Variants in SH3BP5 observed in about 807,000 individuals in gnomAD.
SH3BP5 encodes the protein SH3 domain-binding protein 5.
In SH3BP5, 22 loss-of-function variants were observed where a neutral mutation model predicts 43.3. That is an observed-to-expected ratio of 0.51 (90% CI 0.36 to 0.73). The LOEUF is 0.73. SH3BP5 is among the 30% of genes least tolerant of loss of function. The pLI is 0.00. For missense variants in SH3BP5, 529 were observed against 586.9 expected (o/e 0.90, Z 1.02); for synonymous variants, 255 against 225.8 (o/e 1.13, Z -1.16).
chr3:15,308,415 A>T (rs1697968448), intron 2 of SH3BP5, among the ~76,000 whole-genome samples: 1 of 152,222 alleles, frequency 6.6e-6, no homozygotes, highest in Non-Finnish European at 1.5e-5. Context: ...ATGGTCACAG[A>T]GCTGGGAAAT....
At chr3:15,273,491 T>C (rs1575296322) in intron 3 of SH3BP5, 2 of 728,800 alleles carry the variant, frequency 2.7e-6, no homozygotes, top group Non-Finnish European at 3.4e-6. Flanking sequence ...CTGAAGTTTC[T>C]GCGAGATTCC....
intron 1 of SH3BP5, among the ~76,000 whole-genome samples, chr3:15,338,849 T>C (rs1698731847): frequency 6.6e-6 from 1 of 151,958 alleles, no homozygotes. Context: ...TGGCATGTAG[T>C]CTCAAATTAA....
At chr3:15,257,824 C>G (rs1276760090) in intron 7 of SH3BP5, among the ~76,000 whole-genome samples, 1 of 152,176 alleles carries the variant, frequency 6.6e-6, no homozygotes, top group Non-Finnish European at 1.5e-5. Context: ...TTAGAACTTT[C>G]CTACTCCATT....
chr3:15,310,424 G>A (rs1171259651), intron 2 of SH3BP5, among the ~76,000 whole-genome samples: 1 of 152,184 alleles, frequency 6.6e-6, no homozygotes, highest in African/African-American at 2.4e-5. Context: ...TAGACTTTCT[G>A]TCTTGTTTCT....
At chr3:15,334,259 A>G (rs921954315), upstream of SH3BP5, among the ~76,000 whole-genome samples, 3 of 152,186 alleles carry the variant, frequency 2.0e-5, no homozygotes, top group South Asian at 2.1e-4. Flanking sequence ...GGCCAGCTAT[A>G]GTGTTAATCC....
At chr3:15,308,365 A>C (rs1697967128) in intron 2 of SH3BP5, among the ~76,000 whole-genome samples, 1 of 152,202 alleles carries the variant, frequency 6.6e-6, no homozygotes, top group Non-Finnish European at 1.5e-5. Flanking sequence ...CATTTTATAA[A>C]GGAGGAAATA....
chr3:15,303,507 T>C (rs943056510), intron 3 of SH3BP5, among the ~76,000 whole-genome samples: 1 of 152,000 alleles, frequency 6.6e-6, no homozygotes, highest in African/African-American at 2.4e-5. Context: ...CCAGAACCCA[T>C]TTCCACGCAG....
intron 3 of SH3BP5, among the ~76,000 whole-genome samples, chr3:15,296,037 G>A (rs971738384): frequency 1.3e-5 from 2 of 152,172 alleles, no homozygotes; most frequent in African/African-American, 2.4e-5. Flanking sequence ...TGACAAAAAT[G>A]TTGTGACCAG....
chr3:15,317,587 T>C (rs1401042970), intron 2 of SH3BP5, among the ~76,000 whole-genome samples: 1 of 152,178 alleles, frequency 6.6e-6, no homozygotes, highest in Non-Finnish European at 1.5e-5. Context: ...TCAGGGGCTC[T>C]TTTAAAAAAG....
intron 3 of SH3BP5, 138 bp downstream of exon 3, chr3:15,303,965 C>T (rs762335397): frequency 1.6e-5 from 11 of 677,682 alleles, no homozygotes; most frequent in South Asian, 3.5e-5. Flanking sequence ...AAGCAGATTG[C>T]GGGGCGGTGG....
At chr3:15,273,872 C>T (rs573468384) in intron 3 of SH3BP5, among the ~76,000 whole-genome samples, 6 of 152,290 alleles carry the variant, frequency 3.9e-5, no homozygotes, top group Admixed American at 3.3e-4. Flanking sequence ...CATATTGAAG[C>T]CCTAATCCCT....
chr3:15,326,956 T>C (rs766929315), intron 2 of SH3BP5, among the ~76,000 whole-genome samples: 1 of 152,162 alleles, frequency 6.6e-6, no homozygotes, highest in Non-Finnish European at 1.5e-5. Flanking sequence ...AAGATTAATA[T>C]TGATCAGTTG....
upstream of SH3BP5, among the ~76,000 whole-genome samples, chr3:15,336,093 C>G (rs966689399): frequency 6.6e-6 from 1 of 152,094 alleles, no homozygotes; most frequent in Non-Finnish European, 1.5e-5. Context: ...GAGATGGCAC[C>G]ATTGCACTCC....
intron 3 of SH3BP5, among the ~76,000 whole-genome samples, chr3:15,300,984 C>A (rs1697722674): frequency 6.6e-6 from 1 of 152,140 alleles, no homozygotes; most frequent in Admixed American, 6.5e-5. Flanking sequence ...ATTGTCCTCA[C>A]TAGCCAAGAG....
chr3:15,330,565 C>T lies in SH3BP5; in HGVS notation c.140G>A (p.Gly47Glu), dbSNP rs571292243. The change falls in exon 2 of 9, where the codon GGA becomes GAA. Residue 47 changes from glycine to glutamate, a missense_variant and splice_region_variant. Physicochemically the swap from Gly to Glu is moderately conservative, Grantham distance 98. This residue lies in a region of SH3BP5 where 75 missense variants were observed against 61.8 expected (regional missense o/e 1.21). Coordinates refer to ENST00000383791, the MANE Select transcript of SH3BP5 (RefSeq NM_004844.5). ...EEEEVDPRIQGELEKLNQSTD... is the reference protein window; with the variant it reads ...EEEEVDPRIQEELEKLNQSTD... Reference sequence around the variant, plus strand: ...GGACTGATTTAACTTCTCCAGTTCTCCCTGGTGAAGAAAAGAGGGAGAAAA... The same window carrying T: ...GGACTGATTTAACTTCTCCAGTTCTTCCTGGTGAAGAAAAGAGGGAGAAAA... The T allele has an allele frequency of 5.0e-6, 8 of 1,597,550 alleles. No homozygotes were observed. The highest frequency in any genetic ancestry group is 6.8e-6 in the Non-Finnish European group (8 of 1,172,792).
At chr3:15,318,799 TA>T (rs1228817990) in intron 2 of SH3BP5, among the ~76,000 whole-genome samples, 1 of 152,240 alleles carries the variant, frequency 6.6e-6, no homozygotes. Context: ...CCCAAATTCG[TA>T]GCCTCAAGCC....
chr3:15,341,188 C>T (rs1698761442), intron 1 of SH3BP5: 1 of 152,466 alleles, frequency 6.6e-6, no homozygotes, highest in Admixed American at 6.5e-5. Flanking sequence ...GCCCACATCT[C>T]ACACCTCCTC....
At position 15,257,008 on chromosome 3, in the gene SH3BP5, G is replaced by A. The variant is rs776672553; in HGVS notation, c.995C>T (p.Ser332Phe). 6.2e-7 allele frequency: 1 copy of A among 1,614,250 alleles called. No homozygotes were observed. The highest frequency in any genetic ancestry group is 1.1e-5 in the South Asian group (1 of 91,088). ...SSFSSGPTSP[S>F]EMPDQFPAVV... The stretch of plus-strand genomic sequence containing the variant: ...CGCAGGGAACTGGTCAGGCATCTCA[G>A]ACGGGCTTGTTGGTCCTGAACTAAA... The change falls in exon 8 of 9, where the codon TCT (serine) becomes TTT (phenylalanine). Residue 332 changes from serine to phenylalanine, a missense_variant. By Grantham distance (155) the Ser-to-Phe change is radical. Transcript: ENST00000383791.
Position 15,309,088 on chromosome 3 carries a change from C to T in SH3BP5, c.202-4857G>A, listed in dbSNP as rs551020432. 1.1e-4 allele frequency among the ~76,000 whole-genome samples: 17 copies of T among 152,236 alleles called. No individual in the cohort carries two copies. In the South Asian group the frequency reaches 3.3e-3, roughly 30 times the overall value. On this transcript the variant is annotated intron_variant, in intron 2 of 8. Coordinates refer to ENST00000383791, the MANE Select transcript of SH3BP5 (RefSeq NM_004844.5). ...GTACAGGACAGAGGGTGAAAAGAGA[C>T]AAAACCTCATCTTCCATAGCAGGAT...
Sources: gnomAD v4.1 joint callset for allele counts (sites outside exome capture counted in the v4.1 genomes callset) on GRCh38, gnomAD v4.1.1 for gene constraint, gnomAD v4.1.1 regional missense constraint, MANE v1.5 for transcripts, NCBI Gene and HGNC (gene_info 2026-07-23, HGNC 2026-07-21) for gene names.